Variants in ADGRE1 observed in about 807,000 individuals in gnomAD.
ADGRE1 encodes adhesion G protein-coupled receptor E1.
In ADGRE1, 82 loss-of-function variants were observed where a neutral mutation model predicts 102.7. The ratio of observed to expected loss-of-function variants is 0.80; its 90% CI spans 0.67 to 0.96. The LOEUF is 0.96. ADGRE1 is among the 40% of genes least tolerant of loss of function. The pLI is 0.00. For missense variants in ADGRE1, 1,032 were observed against 1,085.3 expected (o/e 0.95, Z 0.69); for synonymous variants, 398 against 399.6 (o/e 1.00, Z 0.05).
chr19:6,895,730 T>A (rs146943190), intron 2 of ADGRE1: 2,710 of 152,350 alleles, frequency 0.018, 42 homozygotes, highest in Non-Finnish European at 0.024. Context: ...ACACATCACC[T>A]GGGATCTTGT....
chr19:6,898,289 C>G, intron 5 of ADGRE1: 2 of 1,592,602 alleles, frequency 1.3e-6, no homozygotes, highest in Non-Finnish European at 1.7e-6. Context: ...GAATTTGTAA[C>G]TCCAATTCTC....
At chr19:6,902,050 G>C (rs1248903785) in intron 6 of ADGRE1, 29 bp downstream of exon 6, 1 of 1,612,236 alleles carries the variant, frequency 6.2e-7, no homozygotes, top group East Asian at 2.2e-5. Context: ...TGAGAAGTCA[G>C]GTCCAAGTCT....
chr19:6,932,451 G>A lies in ADGRE1; in HGVS notation c.2290-2536G>A, dbSNP rs28499880. Reference sequence around the variant, plus strand: ...CCACTGCCCTCCAGCCTGGGTGACAGAGCAAGACTTGGTCTCAAAAAATAA... The same window carrying A: ...CCACTGCCCTCCAGCCTGGGTGACAAAGCAAGACTTGGTCTCAAAAAATAA... On this transcript the variant is annotated intron_variant, in intron 17 of 20. Coordinates refer to ENST00000312053, the MANE Select transcript of ADGRE1 (RefSeq NM_001974.5). Among the ~76,000 whole-genome samples the A allele has an allele frequency of 9.6e-3, 1,467 of 152,202 alleles. 21 individuals are homozygous for A. Among genetic ancestry groups the A allele is most frequent in the African/African-American group, 0.033 (1,382 of 41,500 alleles).
intron 9 of ADGRE1, among the ~76,000 whole-genome samples, chr19:6,907,665 G>A (rs2607126): frequency 0.24 from 35,782 of 151,916 alleles, 4,721 homozygotes; most frequent in East Asian, 0.47. Context: ...TTATCACTAA[G>A]CAGTCACTCC....
At chr19:6,930,222 A>T (rs929587897) in intron 17 of ADGRE1, among the ~76,000 whole-genome samples, 1 of 152,182 alleles carries the variant, frequency 6.6e-6, no homozygotes, top group Admixed American at 6.5e-5. Context: ...AAGAAAAAGT[A>T]AAAAGAAATT....
At chr19:6,921,366 G>C (rs931065342) in intron 13 of ADGRE1, among the ~76,000 whole-genome samples, 1 of 152,126 alleles carries the variant, frequency 6.6e-6, no homozygotes, top group Non-Finnish European at 1.5e-5. Flanking sequence ...AGGTTGCAGC[G>C]AGCCGAGACT....
Position 6,906,528 on chromosome 19 carries a change from AT to A in ADGRE1, c.1038+13del. On this transcript the variant is annotated splice_region_variant and intron_variant, in intron 9 of 20. Transcript: ENST00000312053. ...CGCAGTGAAACCTGCATATGCAAGT[AT>A]TTTTTAAGGTTCCTAGTTTTTGAGG... The A allele has an allele frequency of 6.2e-7, 1 of 1,611,584 alleles. No homozygotes were observed. Among genetic ancestry groups the A allele is most frequent in the African/African-American group, 1.3e-5 (1 of 74,984 alleles).
Position 6,897,182 on chromosome 19 carries a change from G to C in ADGRE1, c.272G>C (p.Cys91Ser). ...IDECSQSPQP[C>S]GPNSSCKNLS... ...GAATGTTCTCAAAGCCCCCAGCCCT[G>C]TGGTCCTAACTCATCCTGCAAAAAC... The change falls in exon 4 of 21, where the codon TGT (cysteine) becomes TCT (serine). Residue 91 changes from cysteine to serine, a missense_variant. Cys to Ser is a moderately radical substitution (Grantham distance 112). Transcript: ENST00000312053. 1 of 1,608,510 alleles carries C rather than the reference G, an allele frequency of 6.2e-7. No homozygotes were observed.
At chr19:6,889,708 AAAGG>A (rs1479066870) in intron 1 of ADGRE1, among the ~76,000 whole-genome samples, 1 of 150,042 alleles carries the variant, frequency 6.7e-6, no homozygotes, top group Non-Finnish European at 1.5e-5. Context: ...AAAAAAAAAA[AAAGG>A]AAAGAAAAAC....
At position 6,904,102 on chromosome 19, in the gene ADGRE1, G is replaced by A. The variant is rs540834045; in HGVS notation, c.869G>A (p.Gly290Asp). ...AATTCTATCTGCACCAATGCCCTGG[G>A]CTCCTACAGCTGTGGCTGCATTGCA... ...GPNSICTNAL[G>D]SYSCGCIAGF... The change falls in exon 8 of 21, where the codon GGC (glycine) becomes GAC (aspartate). Residue 290 changes from glycine (G) to aspartate (D), a missense_variant. Physicochemically the swap from Gly to Asp is moderately conservative, Grantham distance 94. Coordinates refer to ENST00000312053, the MANE Select transcript of ADGRE1 (RefSeq NM_001974.5). 1.2e-6 allele frequency: 2 copies of A among 1,614,178 alleles called. No homozygotes were observed. The highest frequency in any genetic ancestry group is 1.3e-5 in the African/African-American group (1 of 75,038).
intron 14 of ADGRE1, among the ~76,000 whole-genome samples, chr19:6,922,656 AC>A (rs1974722424): frequency 2.0e-5 from 3 of 151,014 alleles, no homozygotes; most frequent in African/African-American, 7.3e-5. Context: ...ACACACACAC[AC>A]AAACAAAAAG....
chr19:6,916,116 C>T, intron 11 of ADGRE1, 133 bp from the exon 12 acceptor site: 1 of 954,676 alleles, frequency 1.0e-6, no homozygotes. Context: ...CAAGATCTTT[C>T]CTATGATGAA....
At chr19:6,930,302 GA>G (rs1225833141) in intron 17 of ADGRE1, among the ~76,000 whole-genome samples, 1 of 152,276 alleles carries the variant, frequency 6.6e-6, no homozygotes, top group East Asian at 1.9e-4. Context: ...GGAGGCCAGG[GA>G]ATGTTAAACA....
chr19:6,932,710 C>T (rs1975214681), intron 17 of ADGRE1, among the ~76,000 whole-genome samples: 2 of 152,088 alleles, frequency 1.3e-5, no homozygotes, highest in African/African-American at 4.8e-5. Context: ...CCCAACTTCC[C>T]TAGGGTCCCT....
chr19:6,887,820 G>A (rs1447353010), intron 1 of ADGRE1, among the ~76,000 whole-genome samples, 181 bp downstream of exon 1: 1 of 152,168 alleles, frequency 6.6e-6, no homozygotes, highest in Non-Finnish European at 1.5e-5. Flanking sequence ...CATCTGTTAG[G>A]ATAGATTTTT....
Position 6,904,100 on chromosome 19 carries a change from G to T in ADGRE1, c.867G>T (p.Leu289=). ...CTAATTCTATCTGCACCAATGCCCT[G>T]GGCTCCTACAGCTGTGGCTGCATTG... is the stretch of plus-strand genomic sequence containing the variant. ...CGPNSICTNA[L]GSYSCGCIAG... Residue 289 remains leucine, a synonymous_variant, in exon 8 of 21, where the codon CTG becomes CTT. Transcript: ENST00000312053. 1 of 1,614,148 alleles carries T rather than the reference G, an allele frequency of 6.2e-7. No individual in the cohort carries two copies. Among genetic ancestry groups the T allele is most frequent in the Non-Finnish European group, 8.5e-7 (1 of 1,180,022 alleles).
chr19:6,908,678 C>A lies in ADGRE1; in HGVS notation c.1039-11C>A, dbSNP rs765765161. On this transcript the variant is annotated splice_polypyrimidine_tract_variant and intron_variant, in intron 9 of 20. Transcript: ENST00000312053. ...TCACAAATGCTCTTTTTTTTTTTTT[C>A]TGGGACGCAGGTCTCCTTTTGTGCA... The A allele has an allele frequency of 7.8e-7, 1 of 1,288,624 alleles. No homozygotes were observed. The highest frequency in any genetic ancestry group is 1.0e-6 in the Non-Finnish European group (1 of 983,512). 79.8% of individuals were successfully genotyped at this position (1,288,624 alleles called of 1,614,324 possible). A position where few individuals can be genotyped will look rare whatever the true frequency, so the allele number is the denominator to read the frequency against.
chr19:6,901,312 C>A (rs1397335744), intron 5 of ADGRE1, among the ~76,000 whole-genome samples: 1 of 152,176 alleles, frequency 6.6e-6, no homozygotes, highest in Non-Finnish European at 1.5e-5. Flanking sequence ...ATTTCTCTCC[C>A]ATTTGGTCTT....
In ADGRE1 at chr19:6,891,431, T is replaced by C. The variant is rs535135956; in HGVS notation, c.94+888T>C. On this transcript the variant is annotated intron_variant, in intron 2 of 20. Coordinates refer to ENST00000312053, the MANE Select transcript of ADGRE1 (RefSeq NM_001974.5). The stretch of plus-strand genomic sequence containing the variant: ...GGGCAACTTAGCAACTTGGTCTATA[T>C]TGTGTTAACAGCTCATCTTTCACAT... Among the ~76,000 whole-genome samples the C allele has an allele frequency of 5.9e-5, 9 of 152,154 alleles. No homozygotes were observed. In the South Asian group the frequency reaches 1.7e-3, roughly 28 times the overall value.
Sources: allele counts gnomAD v4.1 joint callset (sites outside exome capture counted in the v4.1 genomes callset), GRCh38; gene constraint gnomAD v4.1.1; transcripts MANE v1.5; gene names NCBI Gene and HGNC (gene_info 2026-07-23, HGNC 2026-07-21).